The following S100A8 variants were observed in gnomAD, a reference collection of about 807,000 sequenced individuals.
S100A8 encodes the protein S100 calcium binding protein A8, also known as protein S100-A8.
In S100A8, 1 loss-of-function variant was observed where a neutral mutation model predicts 4.2. The ratio of observed to expected loss-of-function variants is 0.24; its 90% CI spans 0.08 to 1.12. The LOEUF (loss-of-function observed/expected upper bound fraction) is 1.12. Among genes scored for constraint, S100A8 ranks in the 50% most tolerant of loss-of-function variants. The pLI, the probability that S100A8 is intolerant of heterozygous loss-of-function variation, is 0.53. For synonymous variants in S100A8, 41 were observed against 44.7 expected, an observed-to-expected ratio of 0.92 and a Z score of 0.33; for missense variants, 96 against 111.8, an observed-to-expected ratio of 0.86 and a Z score of 0.64.
At chr1:153,400,138 A>G in the S100A8 span, among the ~76,000 whole-genome samples, 1 of 152,152 alleles carries the variant, frequency 6.6e-6, no homozygotes, top group East Asian at 1.9e-4. Context: ...CCCACTACCC[A>G]TGGCCAGGGC....
the S100A8 span, chr1:153,421,426 G>A: frequency 6.6e-6 from 1 of 152,204 alleles, no homozygotes; most frequent in Non-Finnish European, 1.5e-5. Context: ...CGGATCTCCT[G>A]GTTACCCAGC....
At chr1:153,398,165 C>A in the S100A8 span, among the ~76,000 whole-genome samples, 1 of 152,158 alleles carries the variant, frequency 6.6e-6, no homozygotes, top group Non-Finnish European at 1.5e-5. Context: ...AGTCCAGACA[C>A]CCCAGGGCAT....
rs372295825 is a variant in S100A8 at position 153,390,079 on chromosome 1, C to A, written c.*24G>T. 9.6e-5 allele frequency: 154 copies of A among 1,599,252 alleles called. No individual in the cohort carries two copies. Among genetic ancestry groups the A allele is most frequent in the Non-Finnish European group, 1.2e-4 (145 of 1,172,400 alleles). ...TTCTGCAGGTACATGTCCAGGGGCC[C>A]AGCCTCTGGGCCCAGTAACTCAGCT... On this transcript the variant is annotated 3_prime_UTR_variant, in exon 3 of 3. Transcript: ENST00000368733.
chr1:153,418,066 G>T, the S100A8 span: 1 of 1,613,170 alleles, frequency 6.2e-7, no homozygotes, highest in East Asian at 2.2e-5. Context: ...TTTCCTGAAG[G>T]CTTTTTGAAA....
At chr1:153,411,284 T>C in the S100A8 span, among the ~76,000 whole-genome samples, 2,550 of 152,306 alleles carry the variant, frequency 0.017, 136 homozygotes, top group East Asian at 0.1. Flanking sequence ...CAGCAAAGTC[T>C]CAGGATACAA....
chr1:153,399,401 C>A, the S100A8 span, among the ~76,000 whole-genome samples: 1 of 152,128 alleles, frequency 6.6e-6, no homozygotes, highest in Non-Finnish European at 1.5e-5. Flanking sequence ...CACAAAAGGT[C>A]CCATTATCTG....
At chr1:153,395,117 G>A (rs989175456), upstream of S100A8, among the ~76,000 whole-genome samples, 3 of 152,228 alleles carry the variant, frequency 2.0e-5, no homozygotes, top group South Asian at 2.1e-4. Context: ...CAGGGATACC[G>A]GAGGACTCAG....
chr1:153,418,990 C>A, the S100A8 span, among the ~76,000 whole-genome samples: 2 of 152,132 alleles, frequency 1.3e-5, no homozygotes, highest in South Asian at 2.1e-4. Context: ...ACGTCCTCAC[C>A]CCAACTTCAC....
At chr1:153,419,305 A>G in the S100A8 span, 2,176 of 1,614,048 alleles carry the variant, frequency 1.3e-3, 10 homozygotes, top group South Asian at 6.8e-3. Context: ...GGGGGAAGCC[A>G]GTGATCCAGC....
chr1:153,406,766 C>T, the S100A8 span, among the ~76,000 whole-genome samples: 2 of 152,102 alleles, frequency 1.3e-5, no homozygotes, highest in African/African-American at 2.4e-5. Flanking sequence ...TGTGAGCTCT[C>T]CTGGGGGATC....
chr1:153,395,706 A>G (rs888086586), upstream of S100A8, among the ~76,000 whole-genome samples: 6 of 152,296 alleles, frequency 3.9e-5, no homozygotes, highest in Admixed American at 3.9e-4. Flanking sequence ...CCAAATTCCA[A>G]TGCTCAGTTT....
chr1:153,408,991 A>G, the S100A8 span, among the ~76,000 whole-genome samples: 3 of 152,232 alleles, frequency 2.0e-5, no homozygotes, highest in Non-Finnish European at 4.4e-5. Flanking sequence ...TAAACATGGA[A>G]AGGAACAACC....
At chr1:153,408,762 CACTA>C in the S100A8 span, among the ~76,000 whole-genome samples, 1 of 152,236 alleles carries the variant, frequency 6.6e-6, no homozygotes, top group Admixed American at 6.5e-5. Context: ...AAGCCCATCA[CACTA>C]ACAGAGGATC....
At chr1:153,400,302 G>T in the S100A8 span, among the ~76,000 whole-genome samples, 4 of 152,224 alleles carry the variant, frequency 2.6e-5, no homozygotes, top group Non-Finnish European at 5.9e-5. Context: ...TCTGAGAGGG[G>T]CCAGACCTTC....
the S100A8 span, among the ~76,000 whole-genome samples, chr1:153,407,190 A>G: frequency 3.3e-5 from 5 of 152,242 alleles, no homozygotes; most frequent in Non-Finnish European, 7.3e-5. Flanking sequence ...CCCAGGAAGC[A>G]CAAGGGGCCA....
chr1:153,401,192 T>G, the S100A8 span, among the ~76,000 whole-genome samples: 1 of 152,258 alleles, frequency 6.6e-6, no homozygotes, highest in Admixed American at 6.5e-5. Flanking sequence ...ATCATCTGTT[T>G]GCATTTATCA....
chr1:153,401,379 C>T, the S100A8 span, among the ~76,000 whole-genome samples: 9 of 152,264 alleles, frequency 5.9e-5, no homozygotes, highest in East Asian at 1.5e-3. Flanking sequence ...ATTCTGCCTT[C>T]CAGAAACTCA....
chr1:153,396,039 C>T (rs754541437), upstream of S100A8, among the ~76,000 whole-genome samples: 14 of 152,222 alleles, frequency 9.2e-5, no homozygotes, highest in Non-Finnish European at 1.8e-4. Context: ...AGCGAGGCCT[C>T]GCTATCTCCC....
the S100A8 span, among the ~76,000 whole-genome samples, chr1:153,406,767 C>T: frequency 6.6e-6 from 1 of 152,108 alleles, no homozygotes. Flanking sequence ...GTGAGCTCTC[C>T]TGGGGGATCA....
Sources: allele counts gnomAD v4.1 joint callset (sites outside exome capture counted in the v4.1 genomes callset), GRCh38; gene constraint gnomAD v4.1.1; transcripts MANE v1.5; gene names NCBI Gene and HGNC (gene_info 2026-07-23, HGNC 2026-07-21).